NUDT7: variants seen among roughly 807,000 people sequenced by gnomAD.
NUDT7 encodes the protein nudix hydrolase 7.
In NUDT7, 19 loss-of-function variants were observed where a neutral mutation model predicts 13.1. The observed-to-expected ratio is 1.45, with a 90% CI of 1.01 to 2.13. The LOEUF is 2.13. Among genes scored for constraint, NUDT7 ranks in the 30% most tolerant of loss-of-function variants. The pLI is 0.00. For synonymous variants in NUDT7, 132 were observed against 109.7 expected, an observed-to-expected ratio of 1.20 and a Z score of -1.27; for missense variants, 360 against 291.7, an observed-to-expected ratio of 1.23 and a Z score of -1.71.
chr16:77,736,642 T>C, intron 3 of NUDT7: 1 of 245,696 alleles, frequency 4.1e-6, no homozygotes, highest in African/African-American at 2.3e-5. Flanking sequence ...TTATTTTTTT[T>C]TTTATAGAGA....
At chr16:77,738,988 G>T (rs1047242127) in intron 3 of NUDT7, among the ~76,000 whole-genome samples, 4 of 152,194 alleles carry the variant, frequency 2.6e-5, no homozygotes, top group Non-Finnish European at 4.4e-5. Context: ...GGAATCAGAG[G>T]GTGCTGGGAA....
intron 3 of NUDT7, among the ~76,000 whole-genome samples, chr16:77,738,518 TC>T (rs2014559483): frequency 6.6e-6 from 1 of 152,212 alleles, no homozygotes; most frequent in South Asian, 2.1e-4. Context: ...CATAATCTAA[TC>T]TACGTGGCTC....
chr16:77,722,684 A>T (rs1256291319), intron 1 of NUDT7, 67 bp downstream of exon 1: 1 of 1,472,726 alleles, frequency 6.8e-7, no homozygotes, highest in African/African-American at 1.4e-5. Context: ...AGCGGAGGCC[A>T]CCGGGGCCTT....
At chr16:77,728,431 C>T (rs1006721194) in intron 2 of NUDT7, among the ~76,000 whole-genome samples, 7 of 152,110 alleles carry the variant, frequency 4.6e-5, no homozygotes, top group Admixed American at 3.9e-4. Context: ...GGGAGTTTCA[C>T]CATGTTGGTT....
intron 3 of NUDT7, among the ~76,000 whole-genome samples, chr16:77,740,899 A>G (rs1171575559): frequency 6.6e-6 from 1 of 152,100 alleles, no homozygotes. Flanking sequence ...TCCCTCTCCC[A>G]TGTAATATAT....
At chr16:77,725,637 C>T (rs773731130) in intron 2 of NUDT7, 53 bp downstream of exon 2, 5 of 1,556,814 alleles carry the variant, frequency 3.2e-6, no homozygotes, top group Non-Finnish European at 4.4e-6. Context: ...CAGAAGACCT[C>T]ACGAGATTTT....
intron 1 of NUDT7, among the ~76,000 whole-genome samples, chr16:77,723,784 G>A (rs2014042999): frequency 6.6e-6 from 1 of 151,928 alleles, no homozygotes; most frequent in Non-Finnish European, 1.5e-5. Flanking sequence ...TAGAGGTGGG[G>A]TTTTACCATG....
chr16:77,729,565 C>G (rs557833181), intron 2 of NUDT7, among the ~76,000 whole-genome samples: 2 of 152,240 alleles, frequency 1.3e-5, no homozygotes, highest in Non-Finnish European at 2.9e-5. Context: ...ATGGCTCACA[C>G]CTGTAATCCC....
chr16:77,741,193 A>G (rs1463158437), intron 3 of NUDT7, among the ~76,000 whole-genome samples: 1 of 152,176 alleles, frequency 6.6e-6, no homozygotes, highest in African/African-American at 2.4e-5. Context: ...ATAACTTTAG[A>G]ATTTGGGGCT....
intron 2 of NUDT7, among the ~76,000 whole-genome samples, chr16:77,731,685 A>G (rs7194640): frequency 0.096 from 14,681 of 152,194 alleles, 816 homozygotes; most frequent in African/African-American, 0.16. Flanking sequence ...CCTTCAGGAG[A>G]TATTCCAAAA....
intron 2 of NUDT7, among the ~76,000 whole-genome samples, chr16:77,731,594 C>G (rs2014320908): frequency 6.6e-6 from 1 of 152,146 alleles, no homozygotes; most frequent in South Asian, 2.1e-4. Flanking sequence ...ATTTACTACA[C>G]TATTCTTTTA....
At chr16:77,726,895 C>T (rs552682742) in intron 2 of NUDT7, among the ~76,000 whole-genome samples, 2 of 152,246 alleles carry the variant, frequency 1.3e-5, no homozygotes, top group South Asian at 4.1e-4. Flanking sequence ...GTACAGGAAG[C>T]ATGACACAGG....
chr16:77,735,993 G>T lies in NUDT7; in HGVS notation c.348+7G>T. ...GGTGCCATGTCTTATTGATGTAAGG[G>T]TTTCCTGAGACACTCATGAGCACCG... On this transcript the variant is annotated splice_region_variant and intron_variant, in intron 3 of 3. Coordinates refer to ENST00000268533, the MANE Select transcript of NUDT7 (RefSeq NM_001105663.3). The T allele has an allele frequency of 1.9e-6, 3 of 1,613,638 alleles. No homozygotes were observed. The highest frequency in any genetic ancestry group is 2.5e-6 in the Non-Finnish European group (3 of 1,179,646).
chr16:77,742,054 T>C lies in NUDT7; in HGVS notation c.*104T>C. 1 of 1,483,252 alleles carries C rather than the reference T, an allele frequency of 6.7e-7. No individual in the cohort carries two copies. The highest frequency in any genetic ancestry group is 2.3e-5 in the East Asian group (1 of 43,578). The allele number at this position is 1,483,252 out of a possible 1,614,324, so 91.9% of individuals were successfully genotyped here. A position where few individuals can be genotyped will look rare whatever the true frequency, so the allele number is the denominator to read the frequency against. The stretch of plus-strand genomic sequence containing the variant: ...GTTGGAATTTGACAGGTGTGAATAT[T>C]TTTTCTGCAGTATGTAGTTAGAATC... On this transcript the variant is annotated 3_prime_UTR_variant, in exon 4 of 4. Transcript: ENST00000268533.
chr16:77,723,602 T>G (rs1007968438), intron 1 of NUDT7, among the ~76,000 whole-genome samples: 2 of 150,282 alleles, frequency 1.3e-5, no homozygotes, highest in Admixed American at 1.3e-4. Flanking sequence ...CTTTTTTTTT[T>G]TTTTTTTTGA....
At position 77,741,682 on chromosome 16, in the gene NUDT7, C is replaced by G. The variant is rs373170794; in HGVS notation, c.449C>G (p.Ala150Gly). 6.2e-7 allele frequency: 1 copy of G among 1,614,152 alleles called. No homozygotes were observed. The highest frequency in any genetic ancestry group is 8.5e-7 in the Non-Finnish European group (1 of 1,180,032). ...EVKDVFLVPL[A>G]YFLHPQVHDQ... ...AAGGATGTATTCCTGGTGCCTCTGG[C>G]CTATTTCCTGCATCCACAGGTCCAT... Residue 150 changes from alanine (A) to glycine (G), a missense_variant, in exon 4 of 4, where the codon GCC becomes GGC. Coordinates refer to ENST00000268533, the MANE Select transcript of NUDT7 (RefSeq NM_001105663.3).
intron 2 of NUDT7, among the ~76,000 whole-genome samples, chr16:77,727,369 G>A (rs1423053554): frequency 6.6e-6 from 1 of 151,436 alleles, no homozygotes; most frequent in Non-Finnish European, 1.5e-5. Context: ...GGAATCAGCT[G>A]GAGTTTTGTG....
intron 3 of NUDT7, among the ~76,000 whole-genome samples, chr16:77,738,543 A>AT (rs936866599): frequency 2.6e-5 from 4 of 152,090 alleles, no homozygotes; most frequent in African/African-American, 9.7e-5. Flanking sequence ...ACCTGGAGTG[A>AT]TTTTTCAACC....
chr16:77,741,344 G>A lies in NUDT7; in HGVS notation c.349-238G>A, dbSNP rs188947813. ...TGCCAAATTGCCATTCCAAAAGATT[G>A]TACTACTTTATGTTCATACAAGAAA... On this transcript the variant is annotated intron_variant, in intron 3 of 3. Transcript: ENST00000268533. 4.0e-5 allele frequency: 17 copies of A among 429,566 alleles called. No homozygotes were observed. In the East Asian group the frequency reaches 6.1e-4, roughly 15 times the overall value. 26.6% of individuals were successfully genotyped at this position (429,566 alleles called of 1,614,324 possible). A position where few individuals can be genotyped will look rare whatever the true frequency, so the allele number is the denominator to read the frequency against.
Sources: allele counts gnomAD v4.1 joint callset (sites outside exome capture counted in the v4.1 genomes callset), GRCh38; gene constraint gnomAD v4.1.1; transcripts MANE v1.5; gene names NCBI Gene and HGNC (gene_info 2026-07-23, HGNC 2026-07-21).